PRUNE2: variants seen among roughly 807,000 people sequenced by gnomAD.
PRUNE2 encodes protein prune homolog 2.
In PRUNE2, 164 loss-of-function variants were observed where a neutral mutation model predicts 252.0. The observed-to-expected ratio is 0.65, with a 90% CI of 0.57 to 0.74. The LOEUF is 0.74. Among genes scored for constraint, PRUNE2 ranks in the 30% least tolerant of loss-of-function variants. The pLI is 0.00. For synonymous variants in PRUNE2, 1,292 were observed against 1,350.2 expected (o/e 0.96, Z 0.94); for missense variants, 3,495 against 3,711.0 (o/e 0.94, Z 1.51).
intron 6 of PRUNE2, among the ~76,000 whole-genome samples, chr9:76,822,026 CAG>C (rs539143895): frequency 1.6e-3 from 251 of 152,188 alleles, no homozygotes; most frequent in Non-Finnish European, 3.0e-3. Context: ...GAGAGGGGAA[CAG>C]AGAAAGAAAA....
Position 76,688,610 on chromosome 9 carries a change from T to C in PRUNE2, c.8276+14727A>G, listed in dbSNP as rs149097746. ...TCTAAAACTACCTCCCTTCTTTCCA[T>C]CCCAGGAACAGTTCCAGCCTTGACT... On this transcript the variant is annotated intron_variant, in intron 9 of 18. Coordinates refer to ENST00000376718, the MANE Select transcript of PRUNE2 (RefSeq NM_015225.3). Among the ~76,000 whole-genome samples the C allele has an allele frequency of 2.9e-3, 446 of 152,238 alleles. 2 individuals are homozygous for C. Among genetic ancestry groups the C allele is most frequent in the African/African-American group, 9.0e-3 (372 of 41,518 alleles).
intron 6 of PRUNE2, among the ~76,000 whole-genome samples, chr9:76,753,747 T>C (rs2050841296): frequency 1.3e-5 from 2 of 152,056 alleles, no homozygotes; most frequent in African/African-American, 2.4e-5. Context: ...ACCCCGTCTA[T>C]ACTAAAAGAA....
intron 6 of PRUNE2, among the ~76,000 whole-genome samples, chr9:76,742,897 AT>A (rs2049770803): frequency 6.6e-6 from 1 of 152,182 alleles, no homozygotes. Context: ...TGAGAGTCAT[AT>A]GGTTTGGCTG....
At chr9:76,693,439 C>CTTTTTTTT (rs550030416) in intron 9 of PRUNE2, among the ~76,000 whole-genome samples, 7,622 of 106,306 alleles carry the variant, frequency 0.072, 439 homozygotes, top group East Asian at 0.19. Context: ...AGCACCTACT[C>CTTTTTTTT]TTTTTTTTTT....
intron 14 of PRUNE2, among the ~76,000 whole-genome samples, chr9:76,636,870 C>T (rs550149936): frequency 5.7e-4 from 86 of 152,156 alleles, no homozygotes; most frequent in Middle Eastern, 3.4e-3. Flanking sequence ...ACAGGAGAAT[C>T]GCTTGAACCC....
At chr9:76,704,234 CATTCATTT>C (rs1224670277) in intron 8 of PRUNE2, 135 bp from the exon 9 acceptor site, 2 of 428,968 alleles carry the variant, frequency 4.7e-6, no homozygotes, top group South Asian at 1.1e-4. Context: ...TTTATTCATT[CATTCATTT>C]GAGACAGAGT....
At chr9:76,787,210 G>C (rs1425501393) in intron 6 of PRUNE2, 2 of 149,674 alleles carry the variant, frequency 1.3e-5, no homozygotes, top group Non-Finnish European at 3.0e-5. Context: ...TATCAACTTT[G>C]ATTCTTTGTT....
At chr9:76,865,492 T>C (rs1224922690) in intron 1 of PRUNE2, among the ~76,000 whole-genome samples, 1 of 152,214 alleles carries the variant, frequency 6.6e-6, no homozygotes, top group Admixed American at 6.5e-5. Flanking sequence ...GACTGGTTTT[T>C]ACAGCTCAGC....
chr9:76,653,382 C>T (rs866573021), intron 10 of PRUNE2, among the ~76,000 whole-genome samples: 3 of 152,140 alleles, frequency 2.0e-5, no homozygotes, highest in African/African-American at 7.2e-5. Context: ...ATAACCCATG[C>T]ACATCCTTCT....
intron 9 of PRUNE2, among the ~76,000 whole-genome samples, chr9:76,671,051 G>C (rs1221438888): frequency 2.0e-5 from 3 of 152,348 alleles, no homozygotes; most frequent in Middle Eastern, 3.4e-3. Context: ...AAGCTGGATG[G>C]AGAATGACTT....
intron 9 of PRUNE2, among the ~76,000 whole-genome samples, chr9:76,700,891 C>G (rs934565191): frequency 1.3e-5 from 2 of 152,228 alleles, no homozygotes; most frequent in South Asian, 4.1e-4. Context: ...GTGCTTAACA[C>G]CTGGTCCAAC....
At chr9:76,763,778 G>T (rs2052008363) in intron 6 of PRUNE2, among the ~76,000 whole-genome samples, 1 of 152,138 alleles carries the variant, frequency 6.6e-6, no homozygotes, top group South Asian at 2.1e-4. Flanking sequence ...GTGGGGAAGA[G>T]GGAGTGGGAT....
chr9:76,709,754 C>A lies in PRUNE2; in HGVS notation c.2520G>T (p.Gly840=). The change falls in exon 8 of 19, where the codon GGG becomes GGT. Residue 840 remains glycine (G), a synonymous_variant. Coordinates refer to ENST00000376718, the MANE Select transcript of PRUNE2 (RefSeq NM_015225.3). The part of the protein sequence containing the change: ...DPNEWAMAKS[G]FAFSSSELLD... ...GTAGTTCTGAAGAAGAAAAGGCAAACCCACTTTTTGCCATGGCCCACTCAT... is the reference window on the plus strand; with the variant it reads ...GTAGTTCTGAAGAAGAAAAGGCAAAACCACTTTTTGCCATGGCCCACTCAT... 2 of 1,613,998 alleles carry A rather than the reference C, an allele frequency of 1.2e-6. No individual in the cohort carries two copies. Among genetic ancestry groups the A allele is most frequent in the Non-Finnish European group, 1.7e-6 (2 of 1,179,890 alleles).
At chr9:76,668,696 C>T (rs916953442) in intron 9 of PRUNE2, among the ~76,000 whole-genome samples, 35 of 152,034 alleles carry the variant, frequency 2.3e-4, no homozygotes, top group African/African-American at 8.4e-4. Flanking sequence ...GTGGGGCCTC[C>T]CCACTGTACA....
chr9:76,739,616 C>T (rs978298001), intron 6 of PRUNE2: 1 of 151,780 alleles, frequency 6.6e-6, no homozygotes, highest in Non-Finnish European at 1.5e-5. Context: ...AAGCCTAGGG[C>T]AGCTCCCCTA....
intron 9 of PRUNE2, among the ~76,000 whole-genome samples, chr9:76,683,187 T>C (rs1166270476): frequency 1.3e-5 from 2 of 152,212 alleles, no homozygotes; most frequent in Admixed American, 6.5e-5. Flanking sequence ...TCCCCGCCCC[T>C]GCCAGAGTGA....
rs1250980485 is a variant in PRUNE2 at position 76,850,631 on chromosome 9, A to G, written c.176T>C (p.Leu59Pro). Reference protein sequence around the residue: ...SPPGVLCLPVLNIPRTEFNYF... With the variant: ...SPPGVLCLPVPNIPRTEFNYF... ...GTTGAATTCAGTTCTTGGTATGTTCAGCACTGGTAAACACAGAACCCCTGG... is the reference window on the plus strand; with the variant it reads ...GTTGAATTCAGTTCTTGGTATGTTCGGCACTGGTAAACACAGAACCCCTGG... The change falls in exon 3 of 19, where the codon CTG (leucine) becomes CCG (proline). Residue 59 changes from leucine to proline, a missense_variant. Leu to Pro is a moderately conservative substitution (Grantham distance 98). Coordinates refer to ENST00000376718, the MANE Select transcript of PRUNE2 (RefSeq NM_015225.3). 4 of 1,614,180 alleles carry G rather than the reference A, an allele frequency of 2.5e-6. No homozygotes were observed. The highest frequency in any genetic ancestry group is 3.4e-6 in the Non-Finnish European group (4 of 1,180,000).
intron 6 of PRUNE2, among the ~76,000 whole-genome samples, chr9:76,811,682 G>A (rs1465442022): frequency 2.0e-5 from 3 of 152,106 alleles, no homozygotes; most frequent in African/African-American, 4.8e-5. Flanking sequence ...TTTATATAAG[G>A]TGCAGTGATG....
intron 9 of PRUNE2, among the ~76,000 whole-genome samples, chr9:76,681,450 TAAA>T (rs3048258): frequency 3.8e-5 from 5 of 132,810 alleles, no homozygotes; most frequent in Non-Finnish European, 3.3e-5. Flanking sequence ...TTACCACGAT[TAAA>T]AAAAAAAAAA....
Sources: gnomAD v4.1 joint callset for allele counts (sites outside exome capture counted in the v4.1 genomes callset) on GRCh38, gnomAD v4.1.1 for gene constraint, MANE v1.5 for transcripts, NCBI Gene and HGNC (gene_info 2026-07-23, HGNC 2026-07-21) for gene names.